Variants in TECRL observed in about 807,000 individuals in gnomAD.
TECRL encodes trans-2,3-enoyl-CoA reductase-like.
Under a neutral mutation model 52.8 loss-of-function variants are expected in TECRL, and 63 were observed. That is an observed-to-expected ratio of 1.19 (90% confidence interval 0.97 to 1.47). The LOEUF is 1.47. Ranked by LOEUF, TECRL falls within the 40% of genes most tolerant of loss-of-function variation. The pLI is 0.00. For missense variants in TECRL, 482 were observed against 429.6 expected (o/e 1.12, Z -1.08); for synonymous variants, 164 against 141.9 (o/e 1.16, Z -1.10).
chr4:64,308,518 G>T (rs1442455902), intron 6 of TECRL, among the ~76,000 whole-genome samples: 2 of 152,146 alleles, frequency 1.3e-5, no homozygotes, highest in African/African-American at 2.4e-5. Context: ...GCCACAGAAG[G>T]CTTCCTTGTC....
chr4:64,353,000 C>T (rs1031770573), intron 2 of TECRL, among the ~76,000 whole-genome samples: 1 of 151,988 alleles, frequency 6.6e-6, no homozygotes, highest in Non-Finnish European at 1.5e-5. Flanking sequence ...ATTACAGGCA[C>T]AAGCCACTGC....
At chr4:64,377,430 T>C (rs1035394342) in intron 1 of TECRL, among the ~76,000 whole-genome samples, 1 of 152,048 alleles carries the variant, frequency 6.6e-6, no homozygotes, top group Non-Finnish European at 1.5e-5. Flanking sequence ...GGGAGTTTAG[T>C]TATCATAACT....
chr4:64,342,678 TA>T (rs1263119849), intron 2 of TECRL, among the ~76,000 whole-genome samples: 5 of 151,882 alleles, frequency 3.3e-5, no homozygotes, highest in South Asian at 2.1e-4. Context: ...AAACAAACAA[TA>T]AAAACAAAAA....
intron 8 of TECRL, among the ~76,000 whole-genome samples, chr4:64,297,736 A>T (rs1376361727): frequency 6.6e-6 from 1 of 151,216 alleles, no homozygotes; most frequent in Non-Finnish European, 1.5e-5. Context: ...TTTAAATTGC[A>T]GAATATTATG....
At chr4:64,328,200 A>G (rs778154336) in intron 3 of TECRL, among the ~76,000 whole-genome samples, 5 of 152,000 alleles carry the variant, frequency 3.3e-5, no homozygotes, top group Non-Finnish European at 7.4e-5. Context: ...ATTAACCTTA[A>G]GAATATATTA....
chr4:64,378,375 G>T (rs1222844648), intron 1 of TECRL, among the ~76,000 whole-genome samples: 5 of 151,924 alleles, frequency 3.3e-5, no homozygotes, highest in Non-Finnish European at 7.4e-5. Context: ...AGACGAGCCT[G>T]GGCAACATGG....
intron 2 of TECRL, among the ~76,000 whole-genome samples, chr4:64,372,333 G>T (rs1267473502): frequency 6.6e-6 from 1 of 151,758 alleles, no homozygotes. Flanking sequence ...GAAATTATTT[G>T]TTTGTATGTG....
chr4:64,369,271 C>T (rs528599886), intron 2 of TECRL, among the ~76,000 whole-genome samples: 31 of 152,138 alleles, frequency 2.0e-4, no homozygotes, highest in South Asian at 1.7e-3. Flanking sequence ...GAGAATATTT[C>T]GTTAGCAATT....
chr4:64,290,929 C>A (rs1723346789), intron 8 of TECRL, among the ~76,000 whole-genome samples: 5 of 152,010 alleles, frequency 3.3e-5, no homozygotes, highest in Admixed American at 3.3e-4. Flanking sequence ...CATAACTACA[C>A]AAAATAATTA....
chr4:64,354,798 G>A (rs1050863740), intron 2 of TECRL, among the ~76,000 whole-genome samples: 2 of 152,178 alleles, frequency 1.3e-5, no homozygotes, highest in Non-Finnish European at 2.9e-5. Flanking sequence ...ATGTCTATGA[G>A]CTCTAGAAAC....
At chr4:64,393,304 G>A (rs1723678260) in intron 1 of TECRL, among the ~76,000 whole-genome samples, 1 of 151,928 alleles carries the variant, frequency 6.6e-6, no homozygotes, top group African/African-American at 2.4e-5. Context: ...CACATCATGT[G>A]ATCATACCTA....
Position 64,409,393 on chromosome 4 carries a change from A to C in TECRL, c.-42T>G, listed in dbSNP as rs556199232. 1 of 1,597,030 alleles carries C rather than the reference A, an allele frequency of 6.3e-7. No individual in the cohort carries two copies. ...AGGGTCTGTCATGTCAAAAGTAGAA[A>C]ATTGCAAGTGTGTTCCTTTTGCATC... is the stretch of plus-strand genomic sequence containing the variant. On this transcript the variant is annotated 5_prime_UTR_variant, in exon 1 of 12. In the 5' UTR this introduces an upstream ATG that the reference lacks. Coordinates refer to ENST00000381210, the MANE Select transcript of TECRL (RefSeq NM_001010874.5).
At chr4:64,358,484 T>C (rs1360660768) in intron 2 of TECRL, among the ~76,000 whole-genome samples, 3 of 151,674 alleles carry the variant, frequency 2.0e-5, no homozygotes, top group African/African-American at 7.2e-5. Flanking sequence ...TATAGAAATA[T>C]TTTGATAGGA....
intron 1 of TECRL, among the ~76,000 whole-genome samples, chr4:64,387,352 G>A (rs1577976527): frequency 6.6e-6 from 1 of 152,206 alleles, no homozygotes; most frequent in East Asian, 1.9e-4. Context: ...GGCAATTGTG[G>A]ATGCAGCTGC....
intron 2 of TECRL, among the ~76,000 whole-genome samples, chr4:64,346,700 G>A (rs1720012822): frequency 6.6e-6 from 1 of 152,224 alleles, no homozygotes; most frequent in African/African-American, 2.4e-5. Context: ...TGTGACAGAA[G>A]CTGCTGCTGT....
At chr4:64,307,908 A>T (rs1724432409) in intron 6 of TECRL, among the ~76,000 whole-genome samples, 1 of 152,104 alleles carries the variant, frequency 6.6e-6, no homozygotes, top group Admixed American at 6.6e-5. Context: ...TGAATGACCT[A>T]AATAGGCTTC....
At chr4:64,312,065 G>C (rs899213489) in intron 5 of TECRL, among the ~76,000 whole-genome samples, 1 of 152,138 alleles carries the variant, frequency 6.6e-6, no homozygotes, top group Non-Finnish European at 1.5e-5. Flanking sequence ...TTTAGTCCCC[G>C]TGTGCGGAGG....
intron 2 of TECRL, among the ~76,000 whole-genome samples, chr4:64,346,137 G>T (rs115317111): frequency 3.0e-4 from 46 of 152,162 alleles, no homozygotes; most frequent in African/African-American, 1.1e-3. Context: ...CTCATTAGAT[G>T]TTGTTATGGG....
At chr4:64,385,550 AT>A (rs1337862873) in intron 1 of TECRL, among the ~76,000 whole-genome samples, 1 of 152,072 alleles carries the variant, frequency 6.6e-6, no homozygotes, top group Non-Finnish European at 1.5e-5. Context: ...CCGAGCTGCT[AT>A]GTCCATCTGG....
Sources: allele counts gnomAD v4.1 joint callset (sites outside exome capture counted in the v4.1 genomes callset), GRCh38; gene constraint gnomAD v4.1.1; transcripts MANE v1.5; gene names NCBI Gene and HGNC (gene_info 2026-07-23, HGNC 2026-07-21).